GRID2: variants seen among roughly 807,000 people sequenced by gnomAD.
GRID2 encodes glutamate receptor ionotropic, delta-2.
A neutral mutation model predicts 114.8 loss-of-function variants in GRID2; 33 were observed. That is an observed-to-expected ratio of 0.29 (90% CI 0.22 to 0.38). The LOEUF (loss-of-function observed/expected upper bound fraction) is 0.38, where lower values mean the gene tolerates loss of function less well. Ranked by LOEUF, GRID2 falls within the 10% of genes least tolerant of loss-of-function variation. GRID2 has a pLI of 1.00. For missense variants in GRID2, 1,184 were observed against 1,257.7 expected, an observed-to-expected ratio of 0.94 and a Z score of 0.89; for synonymous variants, 505 against 449.9, an observed-to-expected ratio of 1.12 and a Z score of -1.55.
intron 4 of GRID2, among the ~76,000 whole-genome samples, chr4:93,125,636 T>TA (rs1244016694): frequency 6.6e-6 from 1 of 152,140 alleles, no homozygotes; most frequent in Non-Finnish European, 1.5e-5. Flanking sequence ...TACTTTTTTT[T>TA]AACCGTGATT....
At chr4:92,556,680 A>G (rs1452029071) in intron 1 of GRID2, among the ~76,000 whole-genome samples, 1 of 152,070 alleles carries the variant, frequency 6.6e-6, no homozygotes, top group Non-Finnish European at 1.5e-5. Context: ...GTGAGTATCA[A>G]ATTCCAAGCT....
chr4:93,758,613 G>T (rs1444817021), intron 14 of GRID2, among the ~76,000 whole-genome samples: 2 of 152,078 alleles, frequency 1.3e-5, no homozygotes, highest in Admixed American at 1.3e-4. Flanking sequence ...GTATGTCAAA[G>T]CTGCATATCA....
At chr4:92,391,157 T>C (rs1436921684) in intron 1 of GRID2, among the ~76,000 whole-genome samples, 2 of 152,298 alleles carry the variant, frequency 1.3e-5, no homozygotes, top group African/African-American at 2.4e-5. Context: ...CCCAGAATGA[T>C]TGATTAATCT....
intron 13 of GRID2, among the ~76,000 whole-genome samples, chr4:93,519,276 G>A (rs1730109636): frequency 6.6e-6 from 1 of 152,102 alleles, no homozygotes; most frequent in Non-Finnish European, 1.5e-5. Flanking sequence ...ACAAACGGAA[G>A]ATGGCAACAT....
At position 93,665,997 on chromosome 4, in the gene GRID2, G is replaced by A. The variant is rs73839789; in HGVS notation, c.2360+39562G>A. Among the ~76,000 whole-genome samples, 653 of 152,154 alleles carry A rather than the reference G, an allele frequency of 4.3e-3. 4 individuals are homozygous for A. The highest frequency in any genetic ancestry group is 0.015 in the African/African-American group (628 of 41,508). On this transcript the variant is annotated intron_variant, in intron 14 of 15. Transcript: ENST00000282020. Reference sequence around the variant, plus strand: ...TCTTATCAGAATCGGTTGAGTAGTAGAGCACTTATATGCATATCTTCAACT... The same window carrying A: ...TCTTATCAGAATCGGTTGAGTAGTAAAGCACTTATATGCATATCTTCAACT...
At chr4:93,316,312 GA>G (rs879490433) in intron 8 of GRID2, among the ~76,000 whole-genome samples, 31,441 of 122,304 alleles carry the variant, frequency 0.26, 4,841 homozygotes, top group Non-Finnish European at 0.35. Flanking sequence ...AAGAAAGAAA[GA>G]AAGAAAGAAA....
intron 2 of GRID2, among the ~76,000 whole-genome samples, chr4:92,665,204 T>C (rs913859381): frequency 1.3e-5 from 2 of 150,812 alleles, no homozygotes; most frequent in South Asian, 2.1e-4. Context: ...TAGAGCTTTT[T>C]TGTGTGGTTA....
At chr4:93,759,071 C>T (rs1298651508) in intron 14 of GRID2, among the ~76,000 whole-genome samples, 1 of 151,880 alleles carries the variant, frequency 6.6e-6, no homozygotes, top group African/African-American at 2.4e-5. Flanking sequence ...CATTTGCCGC[C>T]CAGTACTCAT....
intron 1 of GRID2, among the ~76,000 whole-genome samples, chr4:92,499,375 C>T (rs1723558209): frequency 6.6e-6 from 1 of 152,052 alleles, no homozygotes; most frequent in African/African-American, 2.4e-5. Context: ...CTGCCCATTC[C>T]TCTCCATAGA....
chr4:93,403,844 G>A (rs1766149777), intron 9 of GRID2, among the ~76,000 whole-genome samples: 1 of 152,074 alleles, frequency 6.6e-6, no homozygotes, highest in Non-Finnish European at 1.5e-5. Flanking sequence ...TAAAAGTAGA[G>A]TCACTACATG....
chr4:93,098,989 C>CTGTGTGTGTGTGTGTGTGTG (rs71579585), intron 3 of GRID2, among the ~76,000 whole-genome samples: 2 of 138,904 alleles, frequency 1.4e-5, no homozygotes, highest in Admixed American at 7.4e-5. Context: ...AGATCATTTC[C>CTGTGTGTGTGTGTGTGTGTG]TGTGTGTGTG....
intron 8 of GRID2, among the ~76,000 whole-genome samples, chr4:93,392,507 T>A (rs891112804): frequency 6.6e-6 from 1 of 152,122 alleles, no homozygotes; most frequent in African/African-American, 2.4e-5. Context: ...CTTATTATTT[T>A]AAAAAGTTAT....
chr4:93,774,904 C>A (rs1057216082), downstream of GRID2, among the ~76,000 whole-genome samples: 6 of 150,168 alleles, frequency 4.0e-5, no homozygotes, highest in East Asian at 7.8e-4. Flanking sequence ...TGTGTTACAT[C>A]AAAAAAAATA....
intron 8 of GRID2, among the ~76,000 whole-genome samples, chr4:93,260,746 G>A (rs1388006468): frequency 6.6e-6 from 1 of 151,726 alleles, no homozygotes; most frequent in Non-Finnish European, 1.5e-5. Context: ...GATGATCATA[G>A]GGTTTCTGAT....
intron 13 of GRID2, among the ~76,000 whole-genome samples, chr4:93,624,553 G>T (rs1305333884): frequency 3.3e-5 from 5 of 151,934 alleles, no homozygotes; most frequent in Non-Finnish European, 5.9e-5. Context: ...ATTTTGCCAA[G>T]TATCTTTCTT....
intron 1 of GRID2, among the ~76,000 whole-genome samples, chr4:92,390,076 A>G (rs933023242): frequency 7.2e-5 from 11 of 152,274 alleles, no homozygotes; most frequent in African/African-American, 2.6e-4. Flanking sequence ...TCAATTAAAC[A>G]AAGAGCACAA....
At chr4:93,557,086 A>C (rs1210279335) in intron 13 of GRID2, among the ~76,000 whole-genome samples, 1 of 152,202 alleles carries the variant, frequency 6.6e-6, no homozygotes, top group Non-Finnish European at 1.5e-5. Context: ...GAGCTCCTGA[A>C]GGAAGCACTA....
intron 10 of GRID2, among the ~76,000 whole-genome samples, chr4:93,428,514 T>G (rs1031491797): frequency 6.6e-5 from 10 of 152,154 alleles, no homozygotes; most frequent in African/African-American, 2.4e-4. Flanking sequence ...AACTTTATAG[T>G]CACTGGTTAT....
chr4:92,581,538 A>C (rs1252186954), intron 1 of GRID2, among the ~76,000 whole-genome samples: 1 of 152,118 alleles, frequency 6.6e-6, no homozygotes, highest in Non-Finnish European at 1.5e-5. Flanking sequence ...CAGGTTTTCC[A>C]AACGAAATGT....
Sources: allele counts gnomAD v4.1 joint callset (sites outside exome capture counted in the v4.1 genomes callset), GRCh38; gene constraint gnomAD v4.1.1; transcripts MANE v1.5; gene names NCBI Gene and HGNC (gene_info 2026-07-23, HGNC 2026-07-21).